The following KIF18A variants were observed in gnomAD, a reference collection of about 807,000 sequenced individuals.
KIF18A encodes kinesin-like protein KIF18A.
KIF18A carries 67 observed loss-of-function variants against 103.3 expected under a neutral mutation model. The ratio of observed to expected loss-of-function variants is 0.65; its 90% CI spans 0.53 to 0.79. The LOEUF is 0.79. Among genes scored for constraint, KIF18A ranks in the 30% least tolerant of loss-of-function variants. The pLI is 0.00. For synonymous variants in KIF18A, 367 were observed against 355.5 expected (o/e 1.03, Z -0.36); for missense variants, 1,032 against 1,062.5 (o/e 0.97, Z 0.40).
intron 10 of KIF18A, among the ~76,000 whole-genome samples, chr11:28,071,720 A>C (rs1851017577): frequency 6.6e-6 from 1 of 152,124 alleles, no homozygotes; most frequent in South Asian, 2.1e-4. Context: ...CTATAACAGA[A>C]GGTGGGAGGT....
chr11:28,036,776 G>A (rs1247828358), intron 13 of KIF18A, 112 bp from the exon 14 acceptor site: 9 of 594,004 alleles, frequency 1.5e-5, no homozygotes, highest in Non-Finnish European at 2.2e-5. Context: ...TATGCCAATT[G>A]ATAAAAATCT....
intron 15 of KIF18A, among the ~76,000 whole-genome samples, chr11:28,024,654 G>A (rs143922070): frequency 5.9e-5 from 9 of 152,212 alleles, no homozygotes; most frequent in Non-Finnish European, 1.3e-4. Context: ...TGAGTGTAGA[G>A]TAAGAAAGAA....
At chr11:28,027,421 G>T (rs2133484670) in intron 15 of KIF18A, among the ~76,000 whole-genome samples, 2 of 151,688 alleles carry the variant, frequency 1.3e-5, no homozygotes, top group Middle Eastern at 3.4e-3. Flanking sequence ...CTTTTGGTTT[G>T]CAGTGCTACT....
intron 15 of KIF18A, among the ~76,000 whole-genome samples, chr11:28,035,102 A>G (rs1850467081): frequency 6.6e-6 from 1 of 151,618 alleles, no homozygotes; most frequent in Non-Finnish European, 1.5e-5. Flanking sequence ...AAAAATTGTC[A>G]CCCCAGAAAA....
At position 28,098,124 on chromosome 11, in the gene KIF18A, A is replaced by G. The variant is rs546254289; in HGVS notation, c.-46-131T>C. On this transcript the variant is annotated intron_variant, in intron 1 of 16. Coordinates refer to ENST00000263181, the MANE Select transcript of KIF18A (RefSeq NM_031217.4). Reference sequence around the variant, plus strand: ...CTCACTAGGTAAACACTGGGGGAAAAATACATACATACGTAGGCACACACA... The same window carrying G: ...CTCACTAGGTAAACACTGGGGGAAAGATACATACATACGTAGGCACACACA... The G allele has an allele frequency of 3.2e-5, 17 of 537,406 alleles. No individual in the cohort carries two copies. In the East Asian group the frequency reaches 4.5e-4, roughly 14 times the overall value. 33.3% of individuals were successfully genotyped at this position (537,406 alleles called of 1,614,324 possible).
intron 16 of KIF18A, among the ~76,000 whole-genome samples, chr11:28,022,195 T>C (rs903693571): frequency 5.9e-5 from 9 of 152,132 alleles, no homozygotes; most frequent in African/African-American, 1.9e-4. Flanking sequence ...CATCTCTTTA[T>C]ACATGAAATA....
intron 8 of KIF18A, 44 bp downstream of exon 8, chr11:28,083,125 T>C (rs1179614426): frequency 6.4e-7 from 1 of 1,560,034 alleles, no homozygotes; most frequent in African/African-American, 1.4e-5. Flanking sequence ...ATTCTATAAA[T>C]GAAGAACTGC....
At chr11:28,094,900 A>C (rs1307546261) in intron 2 of KIF18A, 100 bp from the exon 3 acceptor site, 13 of 1,188,970 alleles carry the variant, frequency 1.1e-5, no homozygotes, top group Non-Finnish European at 1.5e-5. Flanking sequence ...CCTGAACAGT[A>C]TCTTTAAACC....
In KIF18A at chr11:28,035,493, G is replaced by A; in HGVS notation, c.2398C>T (p.Leu800Phe). Residue 800 changes from leucine to phenylalanine, a missense_variant and splice_region_variant, in exon 15 of 17, where the codon CTT (leucine) becomes TTT (phenylalanine). Coordinates refer to ENST00000263181, the MANE Select transcript of KIF18A (RefSeq NM_031217.4). ...PNDNKDILQR[L>F]DPSSFSTKHS... ...TTAGTTGAGAATGAAGAAGGATCAA[G>A]CCTGTATATTAATAGTGACAAATAA... The A allele has an allele frequency of 1.3e-6, 2 of 1,554,490 alleles. No individual in the cohort carries two copies. Among genetic ancestry groups the A allele is most frequent in the Non-Finnish European group, 1.8e-6 (2 of 1,141,106 alleles).
intron 13 of KIF18A, among the ~76,000 whole-genome samples, chr11:28,047,308 C>T: frequency 6.6e-6 from 1 of 152,024 alleles, no homozygotes; most frequent in South Asian, 2.1e-4. Context: ...TAAACTTACA[C>T]ACAAATGTTT....
chr11:28,097,855 A>G lies in KIF18A; in HGVS notation c.93T>C (p.His31=), dbSNP rs756092704. 4 of 1,612,534 alleles carry G rather than the reference A, an allele frequency of 2.5e-6. No individual in the cohort carries two copies. Among genetic ancestry groups the G allele is most frequent in the Non-Finnish European group, 3.4e-6 (4 of 1,179,432 alleles). Residue 31 remains histidine (H), a synonymous_variant, in exon 2 of 17, where the codon CAT becomes CAC. Transcript: ENST00000263181. The part of the protein sequence containing the change: ...ENTKEKAAGF[H]KVVHVVDKHI... ...GTTTATCCACAACATGAACCACTTT[A>G]TGAAATCCAGCTGCTTTTTCTTTAG...
chr11:28,087,225 C>T (rs1469079928), intron 6 of KIF18A, among the ~76,000 whole-genome samples: 1 of 152,218 alleles, frequency 6.6e-6, no homozygotes, highest in Non-Finnish European at 1.5e-5. Flanking sequence ...TATCCCTCCC[C>T]TAGCCCCCAC....
chr11:28,059,220 T>G (rs1333227749), intron 12 of KIF18A, 59 bp from the exon 13 acceptor site: 2 of 1,199,464 alleles, frequency 1.7e-6, no homozygotes, highest in African/African-American at 3.0e-5. Flanking sequence ...ACACATTATT[T>G]TAGTTCTTTT....
chr11:28,081,807 G>A (rs1455570333), intron 9 of KIF18A, among the ~76,000 whole-genome samples: 1 of 152,048 alleles, frequency 6.6e-6, no homozygotes, highest in East Asian at 1.9e-4. Context: ...ACGGATCTAG[G>A]CAAAATAAAT....
intron 13 of KIF18A, among the ~76,000 whole-genome samples, chr11:28,040,618 G>A (rs528017969): frequency 2.0e-5 from 3 of 151,570 alleles, no homozygotes; most frequent in Non-Finnish European, 3.0e-5. Context: ...TACACAGAAG[G>A]GAACAGGAAA....
intron 15 of KIF18A, among the ~76,000 whole-genome samples, chr11:28,026,291 CCTT>C (rs771879124): frequency 9.9e-5 from 15 of 151,588 alleles, no homozygotes; most frequent in Non-Finnish European, 2.1e-4. Flanking sequence ...GAGAGCTTCC[CCTT>C]CTTTATTTTA....
intron 7 of KIF18A, chr11:28,084,288 G>A (rs1360628866): frequency 6.6e-6 from 1 of 152,276 alleles, no homozygotes; most frequent in African/African-American, 2.4e-5. Flanking sequence ...GCATCATCCT[G>A]GGCTGCAACA....
chr11:28,101,982 A>T (rs1328162449), intron 1 of KIF18A, among the ~76,000 whole-genome samples: 1 of 152,118 alleles, frequency 6.6e-6, no homozygotes, highest in Non-Finnish European at 1.5e-5. Context: ...TTGCTTTTCA[A>T]TTGACTCTGG....
At chr11:28,046,381 T>C (rs1322772499) in intron 13 of KIF18A, among the ~76,000 whole-genome samples, 2 of 149,034 alleles carry the variant, frequency 1.3e-5, no homozygotes, top group East Asian at 2.0e-4. Context: ...AAATGATGAG[T>C]TCATGTCCTT....
Sources: allele counts gnomAD v4.1 joint callset (sites outside exome capture counted in the v4.1 genomes callset), GRCh38; gene constraint gnomAD v4.1.1; transcripts MANE v1.5; gene names NCBI Gene and HGNC (gene_info 2026-07-23, HGNC 2026-07-21).